NYAP2: variants seen among roughly 807,000 people sequenced by gnomAD.
NYAP2 encodes the protein neuronal tyrosine-phosphorylated phosphoinositide-3-kinase adaptor 2, also known as neuronal tyrosine-phosphorylated phosphoinositide-3-kinase adapter 2.
Under a neutral mutation model 50.4 loss-of-function variants are expected in NYAP2, and 23 were observed. The observed-to-expected ratio is 0.46, with a 90% confidence interval of 0.33 to 0.65. NYAP2 has a LOEUF of 0.65. Ranked by LOEUF, NYAP2 falls within the 30% of genes least tolerant of loss-of-function variation. The pLI is 0.02. For synonymous variants in NYAP2, 394 were observed against 365.2 expected (o/e 1.08, Z -0.90); for missense variants, 885 against 861.0 (o/e 1.03, Z -0.35).
intron 3 of NYAP2, among the ~76,000 whole-genome samples, chr2:225,456,302 T>G (rs1260718647): frequency 6.6e-6 from 1 of 152,162 alleles, no homozygotes; most frequent in Non-Finnish European, 1.5e-5. Flanking sequence ...TCATATTGTC[T>G]TGGATTGATA....
chr2:225,578,735 A>G (rs1453424794), intron 4 of NYAP2, among the ~76,000 whole-genome samples: 2 of 152,196 alleles, frequency 1.3e-5, no homozygotes, highest in Non-Finnish European at 2.9e-5. Flanking sequence ...TTGTAAAATA[A>G]CAAAGTTAGT....
intron 6 of NYAP2, among the ~76,000 whole-genome samples, chr2:225,637,644 C>T (rs1012753426): frequency 6.6e-6 from 1 of 152,126 alleles, no homozygotes; most frequent in South Asian, 2.1e-4. Context: ...TTTGGAGGGG[C>T]CTTGGAGGGT....
intron 6 of NYAP2, among the ~76,000 whole-genome samples, chr2:225,628,993 G>T (rs746007194): frequency 6.6e-6 from 1 of 152,032 alleles, no homozygotes; most frequent in Non-Finnish European, 1.5e-5. Context: ...AGAACCAATA[G>T]GATATATAGA....
chr2:225,443,736 T>C (rs1689508378), intron 3 of NYAP2, among the ~76,000 whole-genome samples: 1 of 152,236 alleles, frequency 6.6e-6, no homozygotes, highest in South Asian at 2.1e-4. Flanking sequence ...AAGCAAATAT[T>C]ACACATAAAG....
At chr2:225,470,894 T>C (rs1478761816) in intron 3 of NYAP2, among the ~76,000 whole-genome samples, 1 of 152,076 alleles carries the variant, frequency 6.6e-6, no homozygotes, top group Non-Finnish European at 1.5e-5. Context: ...CAAGCAGTCC[T>C]CCTACCTCAG....
At chr2:225,438,167 G>A (rs1052033265) in intron 3 of NYAP2, among the ~76,000 whole-genome samples, 1 of 152,056 alleles carries the variant, frequency 6.6e-6, no homozygotes, top group Non-Finnish European at 1.5e-5. Flanking sequence ...ATTCTGCTCT[G>A]CCCAGTACCA....
intron 6 of NYAP2, among the ~76,000 whole-genome samples, chr2:225,641,739 G>A (rs764520333): frequency 7.2e-5 from 11 of 152,062 alleles, no homozygotes; most frequent in Middle Eastern, 3.4e-3. Context: ...CTTGAACCAG[G>A]ACCCGGGAGG....
chr2:225,665,807 T>TAAAAA, the NYAP2 span, among the ~76,000 whole-genome samples: 2,943 of 20,978 alleles, frequency 0.14, 1,170 homozygotes, highest in South Asian at 0.25. Context: ...AGCCTCCGTC[T>TAAAAA]AAAAAAAAAA....
At chr2:225,651,752 T>C (rs1693736350) in exon 7 of NYAP2, 1 of 658,250 alleles carries the variant, frequency 1.5e-6, no homozygotes, top group Admixed American at 3.1e-5. Context: ...GGTGAAACTT[T>C]CTTTGCTGTT....
At chr2:225,611,869 T>G (rs186512162) in intron 5 of NYAP2, among the ~76,000 whole-genome samples, 66 of 141,972 alleles carry the variant, frequency 4.6e-4, no homozygotes, top group East Asian at 6.3e-4. Flanking sequence ...TAGAGAGAGA[T>G]ATATATATGT....
At chr2:225,621,156 A>C (rs1167959756) in intron 5 of NYAP2, among the ~76,000 whole-genome samples, 1 of 151,336 alleles carries the variant, frequency 6.6e-6, no homozygotes, top group Non-Finnish European at 1.5e-5. Flanking sequence ...GGTGGGCTGA[A>C]GTAGATGGGT....
At chr2:225,585,718 A>G (rs1176001068) in intron 5 of NYAP2, among the ~76,000 whole-genome samples, 1 of 152,252 alleles carries the variant, frequency 6.6e-6, no homozygotes, top group African/African-American at 2.4e-5. Flanking sequence ...TCAAATGGAC[A>G]AATCAAATTG....
At chr2:225,534,037 A>G (rs540487094) in intron 4 of NYAP2, among the ~76,000 whole-genome samples, 1 of 152,378 alleles carries the variant, frequency 6.6e-6, no homozygotes, top group East Asian at 1.9e-4. Flanking sequence ...AGGGAATACA[A>G]GTAAATTAAA....
rs116155915 is a variant in NYAP2, at chr2:225,596,104, G to A, written c.1618+13069G>A. Among the ~76,000 whole-genome samples, 503 of 152,198 alleles carry A rather than the reference G, an allele frequency of 3.3e-3. 6 individuals are homozygous for A. Among genetic ancestry groups the A allele is most frequent in the African/African-American group, 0.012 (481 of 41,530 alleles). ...GGTGATTCACAGGCATGTTCATAGT[G>A]CACTACAGCCTCCAACTTCTGGCCT... On this transcript the variant is annotated intron_variant, in intron 5 of 6. Coordinates refer to ENST00000636099, the Ensembl canonical transcript of NYAP2.
chr2:225,520,412 C>T (rs1419685861), intron 4 of NYAP2, among the ~76,000 whole-genome samples: 4 of 152,102 alleles, frequency 2.6e-5, no homozygotes, highest in African/African-American at 7.2e-5. Flanking sequence ...TTAGGTCTAA[C>T]ATTTAAGTCT....
chr2:225,432,215 C>A lies in NYAP2; in HGVS notation c.221+23114C>A, dbSNP rs367611054. Among the ~76,000 whole-genome samples the A allele has an allele frequency of 2.0e-4, 27 of 136,146 alleles. No individual in the cohort carries two copies. In the East Asian group the frequency reaches 4.1e-3, roughly 21 times the overall value. 89.3% of individuals were successfully genotyped at this position (136,146 alleles called of 152,430 possible). ...TTTCAACCGTGTTAGCCAGGATGGT[C>A]TTGATCTCCTGACCTCGTGATCCAC... On this transcript the variant is annotated intron_variant, in intron 3 of 6. Transcript: ENST00000636099.
intron 5 of NYAP2, among the ~76,000 whole-genome samples, chr2:225,618,800 C>T (rs1470913249): frequency 1.3e-5 from 2 of 152,152 alleles, no homozygotes; most frequent in African/African-American, 4.8e-5. Flanking sequence ...CTTGGGGAAT[C>T]AGGAAGTAAT....
intron 5 of NYAP2, among the ~76,000 whole-genome samples, chr2:225,601,465 G>A (rs754606361): frequency 1.6e-4 from 25 of 152,170 alleles, no homozygotes; most frequent in African/African-American, 4.6e-4. Flanking sequence ...AGAAACCTAC[G>A]TACTGTTTTC....
chr2:225,660,214 G>A, the NYAP2 span, among the ~76,000 whole-genome samples: 2 of 152,044 alleles, frequency 1.3e-5, no homozygotes, highest in African/African-American at 4.8e-5. Context: ...AGGGAGTTTA[G>A]GTCTGGCATT....
Sources: allele counts gnomAD v4.1 joint callset (sites outside exome capture counted in the v4.1 genomes callset), GRCh38; gene constraint gnomAD v4.1.1; transcripts MANE v1.5; gene names NCBI Gene and HGNC (gene_info 2026-07-23, HGNC 2026-07-21).